The following RABGAP1L variants were observed in gnomAD, a reference collection of about 807,000 sequenced individuals.
RABGAP1L encodes RAB GTPase activating protein 1 like.
RABGAP1L carries 63 observed loss-of-function variants against 137.7 expected under a neutral mutation model. The ratio of observed to expected loss-of-function variants is 0.46; its 90% CI spans 0.37 to 0.56. The LOEUF (loss-of-function observed/expected upper bound fraction) is 0.56, where lower values mean the gene tolerates loss of function less well. Among genes scored for constraint, RABGAP1L ranks in the 20% least tolerant of loss-of-function variants. The pLI, the probability that RABGAP1L is intolerant of heterozygous loss-of-function variation, is 0.00. For synonymous variants in RABGAP1L, 431 were observed against 433.7 expected, an observed-to-expected ratio of 0.99 and a Z score of 0.08; for missense variants, 1,095 against 1,244.0, an observed-to-expected ratio of 0.88 and a Z score of 1.80.
At chr1:174,277,303 C>G (rs1675083844) in intron 9 of RABGAP1L, among the ~76,000 whole-genome samples, 1 of 151,856 alleles carries the variant, frequency 6.6e-6, no homozygotes, top group Admixed American at 6.6e-5. Context: ...TTGCAAATAC[C>G]TGTAACTTCT....
At chr1:174,584,685 A>G (rs894934639) in intron 13 of RABGAP1L, among the ~76,000 whole-genome samples, 1 of 152,222 alleles carries the variant, frequency 6.6e-6, no homozygotes, top group Non-Finnish European at 1.5e-5. Context: ...GATGATAGAT[A>G]GAAGAAGCAA....
intron 18 of RABGAP1L, among the ~76,000 whole-genome samples, chr1:174,778,937 G>A (rs551025814): frequency 9.7e-4 from 147 of 152,150 alleles, no homozygotes; most frequent in African/African-American, 3.3e-3. Context: ...TGGAGAAGTC[G>A]TAAATACACT....
At chr1:174,931,997 T>G (rs1057347207) in intron 19 of RABGAP1L, among the ~76,000 whole-genome samples, 3 of 141,916 alleles carry the variant, frequency 2.1e-5, no homozygotes, top group South Asian at 2.2e-4. Flanking sequence ...TTGGTTTTTT[T>G]TTTTTTTTTT....
intron 17 of RABGAP1L, among the ~76,000 whole-genome samples, chr1:174,743,704 T>C (rs1683640515): frequency 6.6e-6 from 1 of 152,088 alleles, no homozygotes; most frequent in South Asian, 2.1e-4. Flanking sequence ...AAAAAATTCT[T>C]CTCAGAGTCA....
intron 5 of RABGAP1L, among the ~76,000 whole-genome samples, chr1:174,243,625 T>C (rs962827931): frequency 2.0e-5 from 3 of 152,218 alleles, no homozygotes; most frequent in African/African-American, 7.2e-5. Context: ...TGCTAAGCGT[T>C]CATTTGATAC....
chr1:174,546,505 A>T (rs1024873952), intron 13 of RABGAP1L, among the ~76,000 whole-genome samples: 1 of 152,224 alleles, frequency 6.6e-6, no homozygotes, highest in Non-Finnish European at 1.5e-5. Context: ...TTTAGATAAC[A>T]CCCAGTTCTG....
At chr1:174,219,698 C>T (rs757093069) in intron 2 of RABGAP1L, among the ~76,000 whole-genome samples, 2 of 151,950 alleles carry the variant, frequency 1.3e-5, no homozygotes, top group Non-Finnish European at 1.5e-5. Flanking sequence ...GGTAACGTTC[C>T]GTTGTGTGAT....
At chr1:174,867,459 A>G (rs1002733772) in intron 19 of RABGAP1L, among the ~76,000 whole-genome samples, 1 of 152,224 alleles carries the variant, frequency 6.6e-6, no homozygotes, top group African/African-American at 2.4e-5. Flanking sequence ...AGAGAAATAT[A>G]GAGTCTACCA....
intron 11 of RABGAP1L, among the ~76,000 whole-genome samples, chr1:174,324,670 A>G (rs1680285986): frequency 6.6e-6 from 1 of 152,210 alleles, no homozygotes; most frequent in Non-Finnish European, 1.5e-5. Context: ...ATGTTAGGAC[A>G]TCACTAACAT....
At chr1:174,236,306 G>T in intron 4 of RABGAP1L, among the ~76,000 whole-genome samples, 1 of 47,440 alleles carries the variant, frequency 2.1e-5, no homozygotes, top group African/African-American at 8.3e-5. Context: ...CTTGCCTTCT[G>T]CTAGCTTTTG....
intron 13 of RABGAP1L, among the ~76,000 whole-genome samples, chr1:174,563,009 AAG>A (rs1195182111): frequency 1.3e-5 from 2 of 151,852 alleles, no homozygotes; most frequent in East Asian, 1.9e-4. Flanking sequence ...ATAATAAAAA[AAG>A]AAATAAAAAT....
intron 17 of RABGAP1L, among the ~76,000 whole-genome samples, chr1:174,718,133 C>G (rs577139804): frequency 1.3e-5 from 2 of 152,132 alleles, no homozygotes; most frequent in Non-Finnish European, 2.9e-5. Context: ...TTCTTTCATT[C>G]TTCTGTTGTC....
chr1:174,971,318 T>TA (rs1336507298), intron 21 of RABGAP1L, among the ~76,000 whole-genome samples: 2 of 151,712 alleles, frequency 1.3e-5, no homozygotes, highest in Non-Finnish European at 2.9e-5. Flanking sequence ...ATTATTATCT[T>TA]AAAAATCATT....
intron 19 of RABGAP1L, among the ~76,000 whole-genome samples, chr1:174,896,741 G>T (rs927167749): frequency 6.6e-6 from 1 of 152,158 alleles, no homozygotes; most frequent in Non-Finnish European, 1.5e-5. Context: ...TCAAAGATCA[G>T]ATGGTTGTAG....
At chr1:174,823,325 G>A (rs1043836064) in intron 19 of RABGAP1L, among the ~76,000 whole-genome samples, 1 of 152,124 alleles carries the variant, frequency 6.6e-6, no homozygotes, top group Non-Finnish European at 1.5e-5. Flanking sequence ...TTGCCATAAC[G>A]TTAGAACTTG....
intron 3 of RABGAP1L, 26 bp from the exon 4 acceptor site, chr1:174,231,119 G>A (rs762067448): frequency 4.5e-6 from 7 of 1,539,256 alleles, no homozygotes; most frequent in Non-Finnish European, 6.2e-6. Context: ...AATGACTTTT[G>A]AGTGTTTCTT....
intron 1 of RABGAP1L, among the ~76,000 whole-genome samples, chr1:174,210,030 A>T (rs1374301060): frequency 1.3e-5 from 2 of 152,212 alleles, no homozygotes; most frequent in African/African-American, 4.8e-5. Context: ...TGCAAGATCC[A>T]CAGTGTTACT....
At chr1:174,818,415 C>G (rs773266056) in intron 19 of RABGAP1L, among the ~76,000 whole-genome samples, 4 of 152,048 alleles carry the variant, frequency 2.6e-5, no homozygotes, top group African/African-American at 9.7e-5. Flanking sequence ...CAATATTTAA[C>G]GAAAAGACAT....
At chr1:174,243,435 C>T (rs74765094) in intron 5 of RABGAP1L, among the ~76,000 whole-genome samples, 13,603 of 152,010 alleles carry the variant, frequency 0.089, 826 homozygotes, top group East Asian at 0.22. Flanking sequence ...ATTATGGGGG[C>T]ATTAGTGGTA....
Sources: allele counts gnomAD v4.1 joint callset (sites outside exome capture counted in the v4.1 genomes callset), GRCh38; gene constraint gnomAD v4.1.1; transcripts MANE v1.5; gene names NCBI Gene and HGNC (gene_info 2026-07-23, HGNC 2026-07-21).